Variants in SLC35F4 observed in about 807,000 individuals in gnomAD.
SLC35F4 encodes the protein chromosome 14 open reading frame 36.
A neutral mutation model predicts 44.2 loss-of-function variants in SLC35F4; 24 were observed. The observed-to-expected ratio is 0.54, with a 90% CI of 0.39 to 0.76. The LOEUF (loss-of-function observed/expected upper bound fraction) is 0.76, where lower values mean the gene tolerates loss of function less well. Ranked by LOEUF, SLC35F4 falls within the 30% of genes least tolerant of loss-of-function variation. SLC35F4 has a pLI of 0.00. For missense variants in SLC35F4, 562 were observed against 586.1 expected, an observed-to-expected ratio of 0.96 and a Z score of 0.42; for synonymous variants, 238 against 223.6, an observed-to-expected ratio of 1.06 and a Z score of -0.57.
chr14:57,671,066 C>T (rs1022073214), intron 1 of SLC35F4, among the ~76,000 whole-genome samples: 11 of 151,428 alleles, frequency 7.3e-5, no homozygotes, highest in African/African-American at 2.7e-4. Flanking sequence ...CACCATGCCA[C>T]CTAATTTTTG....
intron 1 of SLC35F4, among the ~76,000 whole-genome samples, chr14:57,818,178 G>C (rs901828817): frequency 2.6e-5 from 4 of 152,290 alleles, no homozygotes; most frequent in East Asian, 1.9e-4. Flanking sequence ...TGGCATCAAG[G>C]CTGGAGGAAA....
chr14:57,625,975 T>A (rs996727571), intron 1 of SLC35F4, among the ~76,000 whole-genome samples: 3 of 151,646 alleles, frequency 2.0e-5, no homozygotes, highest in Non-Finnish European at 2.9e-5. Context: ...ATATACACCA[T>A]GGAATACTAA....
rs375000130 is a variant in SLC35F4, at chr14:57,899,481, ACATGTGAAACT to A, written n.282+82421_282+82431del. Among the ~76,000 whole-genome samples, 189 of 152,366 alleles carry A rather than the reference ACATGTGAAACT, an allele frequency of 1.2e-3. 2 individuals carry two copies. The Middle Eastern group carries it at 0.027, about 22-fold the overall frequency. Reference sequence around the variant, plus strand: ...GCTGTGAGGAACCAATAAGCACACAACATGTGAAACTCTTTGAGAACCATAAAGTGCTACAC... The same window carrying A: ...GCTGTGAGGAACCAATAAGCACACAACTTTGAGAACCATAAAGTGCTACAC... On this transcript the variant is annotated intron_variant and non_coding_transcript_variant, in intron 1 of 1. Coordinates refer to the SLC35F4 transcript ENST00000556568.
At chr14:57,773,827 C>G (rs955717872) in intron 1 of SLC35F4, among the ~76,000 whole-genome samples, 3 of 152,142 alleles carry the variant, frequency 2.0e-5, no homozygotes, top group African/African-American at 4.8e-5. Flanking sequence ...GAAGTTCGTA[C>G]TAACTCTAGG....
chr14:57,890,589 C>T (rs1423540296), intron 1 of SLC35F4, among the ~76,000 whole-genome samples: 1 of 152,012 alleles, frequency 6.6e-6, no homozygotes, highest in African/African-American at 2.4e-5. Flanking sequence ...TTCTTTTTTC[C>T]AATTACCAAT....
chr14:57,779,515 C>T (rs1250868781), intron 1 of SLC35F4, among the ~76,000 whole-genome samples: 1 of 152,048 alleles, frequency 6.6e-6, no homozygotes, highest in Non-Finnish European at 1.5e-5. Flanking sequence ...CAAAGAAGAG[C>T]TGATACCATT....
At chr14:57,739,985 G>A (rs1594929722) in intron 1 of SLC35F4, among the ~76,000 whole-genome samples, 1 of 152,076 alleles carries the variant, frequency 6.6e-6, no homozygotes, top group African/African-American at 2.4e-5. Flanking sequence ...TCAGCCTCCT[G>A]AGTAGCTGGG....
chr14:57,845,062 A>G (rs1471882699), intron 1 of SLC35F4, among the ~76,000 whole-genome samples: 2 of 152,194 alleles, frequency 1.3e-5, no homozygotes, highest in Non-Finnish European at 2.9e-5. Context: ...GGGAGAAGGA[A>G]GTAAGCCCTT....
intron 1 of SLC35F4, among the ~76,000 whole-genome samples, chr14:57,672,578 G>A (rs2074554922): frequency 6.6e-6 from 1 of 152,002 alleles, no homozygotes; most frequent in Non-Finnish European, 1.5e-5. Flanking sequence ...ACCGCTATAT[G>A]ATTATAAAAT....
chr14:57,677,306 G>T (rs912856971), intron 1 of SLC35F4, among the ~76,000 whole-genome samples: 21 of 151,876 alleles, frequency 1.4e-4, no homozygotes, highest in Non-Finnish European at 2.8e-4. Flanking sequence ...ATTAGGTACA[G>T]GGTAAACTAC....
At chr14:57,850,126 T>C (rs1886427567) in intron 1 of SLC35F4, among the ~76,000 whole-genome samples, 1 of 152,248 alleles carries the variant, frequency 6.6e-6, no homozygotes, top group Non-Finnish European at 1.5e-5. Flanking sequence ...TGACTCTCTG[T>C]ATGTGTATAT....
At chr14:57,794,223 C>T (rs570874231) in intron 1 of SLC35F4, among the ~76,000 whole-genome samples, 21 of 152,228 alleles carry the variant, frequency 1.4e-4, no homozygotes, top group African/African-American at 5.1e-4. Context: ...CTAAAAACTT[C>T]TGCACAGCAA....
chr14:57,596,639 G>A, intron 1 of SLC35F4: 1 of 551,312 alleles, frequency 1.8e-6, no homozygotes, highest in Non-Finnish European at 3.5e-6. Flanking sequence ...GAAATAGGCT[G>A]GGTAGCAAGT....
chr14:57,708,483 G>A (rs555006675), intron 1 of SLC35F4, among the ~76,000 whole-genome samples: 2 of 152,312 alleles, frequency 1.3e-5, no homozygotes, highest in South Asian at 4.1e-4. Flanking sequence ...TAGCAGACAA[G>A]GTGAACCCAT....
At chr14:57,663,170 C>T in intron 1 of SLC35F4, among the ~76,000 whole-genome samples, 1 of 152,114 alleles carries the variant, frequency 6.6e-6, no homozygotes, top group East Asian at 1.9e-4. Flanking sequence ...GTCATGTATT[C>T]CCTACCAGGA....
intron 1 of SLC35F4, among the ~76,000 whole-genome samples, chr14:57,697,878 C>T (rs954476253): frequency 2.0e-5 from 3 of 152,086 alleles, no homozygotes; most frequent in Middle Eastern, 3.2e-3. Flanking sequence ...GAGAATCATA[C>T]TGTACAATTA....
At chr14:57,751,368 T>A (rs2076880989) in intron 1 of SLC35F4, among the ~76,000 whole-genome samples, 1 of 152,160 alleles carries the variant, frequency 6.6e-6, no homozygotes, top group Non-Finnish European at 1.5e-5. Flanking sequence ...AGACACCCAG[T>A]AATAAGGCAA....
At chr14:57,580,109 G>A (rs1333191416) in intron 4 of SLC35F4, among the ~76,000 whole-genome samples, 1 of 152,128 alleles carries the variant, frequency 6.6e-6, no homozygotes, top group Non-Finnish European at 1.5e-5. Flanking sequence ...CACAGTTTCT[G>A]ATTTTGTCTT....
intron 1 of SLC35F4, among the ~76,000 whole-genome samples, chr14:57,684,949 A>G (rs1447352464): frequency 6.6e-6 from 1 of 152,196 alleles, no homozygotes; most frequent in Non-Finnish European, 1.5e-5. Context: ...GGCAGCTTAC[A>G]GGATAATTAG....
Sources: gnomAD v4.1 joint callset for allele counts (sites outside exome capture counted in the v4.1 genomes callset) on GRCh38, gnomAD v4.1.1 for gene constraint, MANE v1.5 for transcripts, NCBI Gene and HGNC (gene_info 2026-07-23, HGNC 2026-07-21) for gene names.